The following ATP6V0E1 variants were observed in gnomAD, a reference collection of about 807,000 sequenced individuals.
ATP6V0E1 encodes the protein V-type proton ATPase subunit e 1.
ATP6V0E1 carries 4 observed loss-of-function variants against 11.6 expected under a neutral mutation model. The ratio of observed to expected loss-of-function variants is 0.35; its 90% CI spans 0.17 to 0.79. ATP6V0E1 has a LOEUF of 0.79. Among genes scored for constraint, ATP6V0E1 ranks in the 30% least tolerant of loss-of-function variants. The pLI, the probability that ATP6V0E1 is intolerant of heterozygous loss-of-function variation, is 0.54. For synonymous variants in ATP6V0E1, 36 were observed against 34.8 expected (o/e 1.04, Z -0.13); for missense variants, 105 against 100.0 (o/e 1.05, Z -0.21).
chr5:173,021,360 T>A (rs777309388), intron 3 of ATP6V0E1, among the ~76,000 whole-genome samples: 1 of 152,060 alleles, frequency 6.6e-6, no homozygotes, highest in Admixed American at 6.6e-5. Flanking sequence ...TGGGGAGGCC[T>A]CACAATAATG....
chr5:172,988,848 T>C (rs1221178337), intron 1 of ATP6V0E1, among the ~76,000 whole-genome samples: 1 of 152,156 alleles, frequency 6.6e-6, no homozygotes, highest in Non-Finnish European at 1.5e-5. Context: ...GTCACCATGC[T>C]TGACTAATTT....
chr5:172,994,425 A>G (rs527890674), intron 1 of ATP6V0E1, among the ~76,000 whole-genome samples: 1 of 152,210 alleles, frequency 6.6e-6, no homozygotes, highest in Admixed American at 6.6e-5. Context: ...TTAGAAGTAC[A>G]GTGTTAATTT....
intron 3 of ATP6V0E1, among the ~76,000 whole-genome samples, chr5:173,033,354 C>T (rs192295608): frequency 1.1e-3 from 166 of 152,234 alleles, no homozygotes; most frequent in Non-Finnish European, 1.8e-3. Context: ...TGAGCCACCA[C>T]GCCTGGCCTA....
intron 2 of ATP6V0E1, among the ~76,000 whole-genome samples, chr5:173,010,688 AAGG>A (rs1284320880): frequency 2.0e-5 from 3 of 152,150 alleles, no homozygotes; most frequent in Admixed American, 6.5e-5. Flanking sequence ...GCTGTCTCTT[AAGG>A]AGCTCACCGA....
chr5:173,017,850 A>T (rs190447613), intron 2 of ATP6V0E1, among the ~76,000 whole-genome samples: 1 of 150,346 alleles, frequency 6.7e-6, no homozygotes, highest in East Asian at 1.9e-4. Context: ...CAAAAAAAAA[A>T]AAAAAAAAAA....
rs535447219 is a variant in ATP6V0E1, at chr5:173,019,215, C to T, written c.153-1023C>T. Among the ~76,000 whole-genome samples the T allele has an allele frequency of 3.3e-4, 50 of 152,146 alleles. No individual in the cohort carries two copies. The South Asian group carries it at 7.9e-3, about 24-fold the overall frequency. On this transcript the variant is annotated intron_variant, in intron 2 of 3. Coordinates refer to ENST00000519374, the MANE Select transcript of ATP6V0E1 (RefSeq NM_003945.4). ...GAGTGATCCTTATCCTCCCAAAGTG[C>T]GGGATTATAGGCATGAGCCACCGCA...
intron 1 of ATP6V0E1, among the ~76,000 whole-genome samples, chr5:172,984,188 T>G (rs1414752706): frequency 6.6e-6 from 1 of 151,670 alleles, no homozygotes; most frequent in South Asian, 2.1e-4. Flanking sequence ...TGGACCCCCC[T>G]TGGAAACGAG....
At position 172,984,743 on chromosome 5, in the gene ATP6V0E1, T is replaced by C. The variant is rs183545176; in HGVS notation, c.104+779T>C. 1.1e-4 allele frequency among the ~76,000 whole-genome samples: 17 copies of C among 152,372 alleles called. No homozygotes were observed. In the East Asian group the frequency reaches 2.3e-3, roughly 21 times the overall value. ...CTTGGAACACCCTCTTCCTGGTTCC[T>C]CTTTTGCTTCTCAGTCATTTTTTTC... On this transcript the variant is annotated intron_variant, in intron 1 of 3. Transcript: ENST00000519374.
intron 3 of ATP6V0E1, among the ~76,000 whole-genome samples, chr5:173,029,144 T>C (rs1756604633): frequency 6.6e-6 from 1 of 152,152 alleles, no homozygotes; most frequent in South Asian, 2.1e-4. Context: ...TGAGTGCTTG[T>C]GAGGTGTATA....
In ATP6V0E1 at chr5:172,985,042, C is replaced by G. The variant is rs544965995; in HGVS notation, c.104+1078C>G. On this transcript the variant is annotated intron_variant, in intron 1 of 3. Transcript: ENST00000519374. Reference sequence around the variant, plus strand: ...CGGGCGGATCACGAGGTCAGGAGATCGAGACCATCCTGGCTAACACGGTGA... The same window carrying G: ...CGGGCGGATCACGAGGTCAGGAGATGGAGACCATCCTGGCTAACACGGTGA... Among the ~76,000 whole-genome samples, 7 of 152,198 alleles carry G rather than the reference C, an allele frequency of 4.6e-5. No individual in the cohort carries two copies. In the South Asian group the frequency reaches 6.2e-4, roughly 14 times the overall value.
intron 1 of ATP6V0E1, among the ~76,000 whole-genome samples, chr5:172,985,021 C>T (rs1403963491): frequency 1.3e-5 from 2 of 152,062 alleles, no homozygotes; most frequent in East Asian, 1.9e-4. Context: ...CCAAGGCGGG[C>T]GGATCACGAG....
At chr5:173,020,884 A>G in intron 3 of ATP6V0E1, 2 of 519,974 alleles carry the variant, frequency 3.8e-6, no homozygotes, top group South Asian at 2.8e-5. Flanking sequence ...AGAGTGTGCT[A>G]AGCATTCACT....
At chr5:173,030,255 C>T (rs949351116) in intron 3 of ATP6V0E1, among the ~76,000 whole-genome samples, 12 of 152,170 alleles carry the variant, frequency 7.9e-5, no homozygotes, top group African/African-American at 2.9e-4. Flanking sequence ...ATTTAATCTC[C>T]TACAATATAT....
At chr5:172,985,267 G>T (rs1237244535) in intron 1 of ATP6V0E1, among the ~76,000 whole-genome samples, 1 of 148,572 alleles carries the variant, frequency 6.7e-6, no homozygotes, top group Non-Finnish European at 1.5e-5. Flanking sequence ...AAAAAAGAAA[G>T]AAAAAGATTT....
At chr5:173,006,482 C>T (rs1162837377) in intron 2 of ATP6V0E1, among the ~76,000 whole-genome samples, 2 of 152,172 alleles carry the variant, frequency 1.3e-5, no homozygotes, top group Non-Finnish European at 1.5e-5. Context: ...TGGTGGTGGG[C>T]GCCTGTAGTC....
chr5:173,015,858 C>T (rs1427015149), intron 2 of ATP6V0E1, among the ~76,000 whole-genome samples: 1 of 152,154 alleles, frequency 6.6e-6, no homozygotes, highest in Non-Finnish European at 1.5e-5. Flanking sequence ...TCCCAAGTAG[C>T]TGGGACTACA....
chr5:172,985,757 C>A (rs547660244), intron 1 of ATP6V0E1, among the ~76,000 whole-genome samples: 1 of 152,310 alleles, frequency 6.6e-6, no homozygotes, highest in East Asian at 1.9e-4. Flanking sequence ...TTCCACTTAG[C>A]CCTAGAGAGT....
At chr5:173,030,330 A>G (rs985853077) in intron 3 of ATP6V0E1, among the ~76,000 whole-genome samples, 1 of 152,226 alleles carries the variant, frequency 6.6e-6, no homozygotes, top group African/African-American at 2.4e-5. Flanking sequence ...TTAAACAGAT[A>G]AAAATTAAGC....
intron 1 of ATP6V0E1, among the ~76,000 whole-genome samples, chr5:172,990,541 T>A (rs1278759885): frequency 6.6e-6 from 1 of 151,992 alleles, no homozygotes; most frequent in African/African-American, 2.4e-5. Context: ...ATAATAGAGA[T>A]GGGCTAGCCG....
Sources: allele counts gnomAD v4.1 joint callset (sites outside exome capture counted in the v4.1 genomes callset), GRCh38; gene constraint gnomAD v4.1.1; transcripts MANE v1.5; gene names NCBI Gene and HGNC (gene_info 2026-07-23, HGNC 2026-07-21).